The following TENM4 variants were observed in gnomAD, a reference collection of about 807,000 sequenced individuals.
TENM4 encodes the protein teneurin transmembrane protein 4.
A neutral mutation model predicts 243.3 loss-of-function variants in TENM4; 82 were observed. That is an observed-to-expected ratio of 0.34 (90% CI 0.28 to 0.40). TENM4 has a LOEUF of 0.40. Ranked by LOEUF, TENM4 falls within the 10% of genes least tolerant of loss-of-function variation. The pLI, the probability that TENM4 is intolerant of heterozygous loss-of-function variation, is 1.00. For missense variants in TENM4, 3,138 were observed against 3,673.3 expected (o/e 0.85, Z 3.77); for synonymous variants, 1,412 against 1,456.3 (o/e 0.97, Z 0.69).
At chr11:78,687,001 T>C (rs1858693680) in intron 29 of TENM4, among the ~76,000 whole-genome samples, 2 of 152,326 alleles carry the variant, frequency 1.3e-5, no homozygotes, top group South Asian at 4.1e-4. Flanking sequence ...TATTGAGCAA[T>C]AGTATGTGCT....
At position 79,347,785 on chromosome 11, in the gene TENM4, T is replaced by G. The variant is rs796183065; in HGVS notation, c.-320-50242A>C. On this transcript the variant is annotated intron_variant, in intron 1 of 33. Transcript: ENST00000278550. Reference sequence around the variant, plus strand: ...TCCTTTTTTTTTTTTTTTTTTTTTTTTTTTTGAGACGGAGTCTCGCTCTGT... The same window carrying G: ...TCCTTTTTTTTTTTTTTTTTTTTTTGTTTTTGAGACGGAGTCTCGCTCTGT... Among the ~76,000 whole-genome samples the G allele has an allele frequency of 8.0e-4, 114 of 143,044 alleles. 2 individuals are homozygous for G. In the South Asian group the frequency reaches 0.024, roughly 31 times the overall value. 93.8% of individuals were successfully genotyped at this position (143,044 alleles called of 152,430 possible).
At chr11:78,916,152 G>C (rs900768821) in intron 6 of TENM4, among the ~76,000 whole-genome samples, 1 of 152,226 alleles carries the variant, frequency 6.6e-6, no homozygotes, top group Non-Finnish European at 1.5e-5. Context: ...TGAAACCAGG[G>C]TTTACCACTT....
chr11:79,369,433 C>T (rs763640247), intron 1 of TENM4, among the ~76,000 whole-genome samples: 1 of 152,134 alleles, frequency 6.6e-6, no homozygotes, highest in Non-Finnish European at 1.5e-5. Flanking sequence ...TGCATTTACC[C>T]TTCCCAAGGA....
At chr11:79,012,652 G>T (rs1377838708) in intron 6 of TENM4, among the ~76,000 whole-genome samples, 4 of 152,200 alleles carry the variant, frequency 2.6e-5, no homozygotes, top group African/African-American at 9.7e-5. Flanking sequence ...AGTTTGCTGT[G>T]CTGAACGAGA....
chr11:78,770,919 G>A, intron 18 of TENM4, 73 bp downstream of exon 18: 1 of 1,531,010 alleles, frequency 6.5e-7, no homozygotes, highest in East Asian at 2.5e-5. Context: ...TGTTAGCTCA[G>A]TAATATCCAT....
chr11:79,371,448 G>A lies in TENM4; in HGVS notation c.-321+69061C>T, dbSNP rs534174046. On this transcript the variant is annotated intron_variant, in intron 1 of 33. Coordinates refer to ENST00000278550, the MANE Select transcript of TENM4 (RefSeq NM_001098816.3). ...AAAAAAAAATCACCTCTACCAGTTT[G>A]GGATATGGGCCAAGACAAGATCCTA... 8.5e-5 allele frequency among the ~76,000 whole-genome samples: 13 copies of A among 152,274 alleles called. No individual in the cohort carries two copies. In the South Asian group the frequency reaches 2.7e-3, roughly 32 times the overall value.
chr11:79,060,515 T>C lies in TENM4; in HGVS notation c.493+4223A>G, dbSNP rs943367068. Among the ~76,000 whole-genome samples, 7 of 152,162 alleles carry C rather than the reference T, an allele frequency of 4.6e-5. No homozygotes were observed. The East Asian group carries it at 7.7e-4, about 17-fold the overall frequency. On this transcript the variant is annotated intron_variant, in intron 6 of 33. Coordinates refer to ENST00000278550, the MANE Select transcript of TENM4 (RefSeq NM_001098816.3). ...AGGCAGGGTGTGGAGGCAGAGTAAA[T>C]GTTCCTGTGGCTGGAGGTTGCTGGG...
chr11:79,064,462 C>T (rs1011403641), intron 6 of TENM4: 1 of 432,180 alleles, frequency 2.3e-6, no homozygotes, highest in Non-Finnish European at 4.2e-6. Context: ...GCCCTCTCTG[C>T]TCCCCTGCAC....
chr11:79,248,919 T>C (rs1855564601), intron 2 of TENM4, among the ~76,000 whole-genome samples: 1 of 152,084 alleles, frequency 6.6e-6, no homozygotes, highest in African/African-American at 2.4e-5. Context: ...GGTTACCAGG[T>C]TTCTAGAAGG....
intron 2 of TENM4, among the ~76,000 whole-genome samples, chr11:79,252,859 C>A (rs533351850): frequency 6.6e-6 from 1 of 152,278 alleles, no homozygotes; most frequent in East Asian, 1.9e-4. Flanking sequence ...CAGTTTAGAT[C>A]AGCTGACCCC....
intron 6 of TENM4, among the ~76,000 whole-genome samples, chr11:78,947,286 C>A: frequency 6.6e-6 from 1 of 152,146 alleles, no homozygotes; most frequent in East Asian, 1.9e-4. Flanking sequence ...AGAGAGGGGA[C>A]TCAACTTGCC....
intron 4 of TENM4, among the ~76,000 whole-genome samples, chr11:79,090,323 C>T (rs965721491): frequency 6.6e-6 from 1 of 152,222 alleles, no homozygotes; most frequent in African/African-American, 2.4e-5. Flanking sequence ...AGAATAAATG[C>T]CAAACCTCTA....
intron 2 of TENM4, among the ~76,000 whole-genome samples, chr11:79,234,041 G>A (rs1864419613): frequency 6.6e-6 from 1 of 152,158 alleles, no homozygotes; most frequent in Non-Finnish European, 1.5e-5. Context: ...GCAGACCTGG[G>A]TTCAAATATG....
chr11:78,822,639 C>G (rs993809138), intron 12 of TENM4, among the ~76,000 whole-genome samples: 4 of 152,032 alleles, frequency 2.6e-5, no homozygotes, highest in Admixed American at 2.0e-4. Context: ...ATCTAGATGA[C>G]AGGTTGATAG....
chr11:78,665,574 T>C (rs1267321465), intron 32 of TENM4, among the ~76,000 whole-genome samples: 1 of 152,212 alleles, frequency 6.6e-6, no homozygotes. Context: ...ACCCAGCCAA[T>C]AATCTCTTTC....
chr11:79,382,386 C>T (rs866849640), intron 1 of TENM4, among the ~76,000 whole-genome samples: 2 of 152,170 alleles, frequency 1.3e-5, no homozygotes, highest in African/African-American at 2.4e-5. Flanking sequence ...GTGCAGGCTT[C>T]GCTTTCGGTG....
At chr11:79,356,800 T>A (rs948556631) in intron 1 of TENM4, among the ~76,000 whole-genome samples, 1 of 152,190 alleles carries the variant, frequency 6.6e-6, no homozygotes, top group Admixed American at 6.5e-5. Context: ...CATTTTTATA[T>A]CTAATAGAAT....
chr11:78,880,179 T>C (rs986028449), intron 9 of TENM4, among the ~76,000 whole-genome samples: 5 of 152,192 alleles, frequency 3.3e-5, no homozygotes, highest in African/African-American at 1.2e-4. Flanking sequence ...CTCTGAAACA[T>C]GTGCTGTGTC....
chr11:79,210,376 G>T (rs1474242373), intron 3 of TENM4, among the ~76,000 whole-genome samples: 1 of 152,218 alleles, frequency 6.6e-6, no homozygotes, highest in Non-Finnish European at 1.5e-5. Flanking sequence ...GAACTGTCAT[G>T]ATAGACTCCA....
Sources: gnomAD v4.1 joint callset for allele counts (sites outside exome capture counted in the v4.1 genomes callset) on GRCh38, gnomAD v4.1.1 for gene constraint, MANE v1.5 for transcripts, NCBI Gene and HGNC (gene_info 2026-07-23, HGNC 2026-07-21) for gene names.